The following PTGR2 variants were observed in gnomAD, a reference collection of about 807,000 sequenced individuals.
PTGR2 encodes 15-oxoprostaglandin 13-reductase.
PTGR2 carries 32 observed loss-of-function variants against 43.4 expected under a neutral mutation model. That is an observed-to-expected ratio of 0.74 (90% CI 0.56 to 0.99). The LOEUF is 0.99. PTGR2 is among the 50% of genes least tolerant of loss of function. The pLI is 0.00. For synonymous variants in PTGR2, 106 were observed against 139.2 expected (o/e 0.76, Z 1.68); for missense variants, 373 against 420.0 (o/e 0.89, Z 0.98).
At chr14:73,869,931 C>T (rs2054687402) in intron 3 of PTGR2, among the ~76,000 whole-genome samples, 1 of 151,888 alleles carries the variant, frequency 6.6e-6, no homozygotes, top group Admixed American at 6.6e-5. Context: ...GACGCTGAGG[C>T]AGGAGAATCG....
chr14:73,876,696 C>T (rs537608014), intron 4 of PTGR2, among the ~76,000 whole-genome samples: 1 of 151,978 alleles, frequency 6.6e-6, no homozygotes, highest in East Asian at 1.9e-4. Context: ...AGGCTGGTCT[C>T]GAACTCCTGG....
chr14:73,879,457 G>T, intron 6 of PTGR2, 152 bp downstream of exon 6: 1 of 626,022 alleles, frequency 1.6e-6, no homozygotes, highest in Non-Finnish European at 2.7e-6. Context: ...ATACAAAAGA[G>T]CTTGCTGATA....
chr14:73,883,504 G>C (rs2055052211), intron 9 of PTGR2, among the ~76,000 whole-genome samples: 1 of 147,758 alleles, frequency 6.8e-6, no homozygotes, highest in South Asian at 2.2e-4. Flanking sequence ...TTTAATTTTT[G>C]AGACAGGGCC....
intron 3 of PTGR2, among the ~76,000 whole-genome samples, chr14:73,867,861 A>G (rs2054637923): frequency 6.6e-6 from 1 of 152,174 alleles, no homozygotes; most frequent in Admixed American, 6.6e-5. Context: ...GCCATTTTTC[A>G]CACTGCAGCC....
intron 3 of PTGR2, among the ~76,000 whole-genome samples, chr14:73,869,967 A>T (rs1054966295): frequency 2.3e-4 from 35 of 151,962 alleles, no homozygotes; most frequent in African/African-American, 8.4e-4. Context: ...CGGAGGTTGC[A>T]TTGAGCTGAG....
Position 73,885,444 on chromosome 14 carries a change from A to G in PTGR2, c.*1267A>G, listed in dbSNP as rs1270671833. On this transcript the variant is annotated 3_prime_UTR_variant, in exon 10 of 10. Transcript: ENST00000555661. ...TACTCAACCCTCGCAGAACAGTAAA[A>G]CTGAAGATTATTGTTTCTGAATGTT... 6.6e-6 allele frequency: 1 copy of G among 152,208 alleles called. No homozygotes were observed. Among genetic ancestry groups the G allele is most frequent in the Non-Finnish European group, 1.5e-5 (1 of 68,048 alleles). 9.4% of individuals were successfully genotyped at this position (152,208 alleles called of 1,614,324 possible). A position where few individuals can be genotyped will look rare whatever the true frequency, so the allele number is the denominator to read the frequency against.
intron 6 of PTGR2, chr14:73,879,783 CA>C (rs1400937027): frequency 8.0e-6 from 3 of 373,622 alleles, no homozygotes; most frequent in Non-Finnish European, 1.5e-5. Flanking sequence ...TGTTTAAATC[CA>C]AAAAAATACA....
intron 8 of PTGR2, among the ~76,000 whole-genome samples, chr14:73,881,772 CTTTTTTTTTTTTTT>C (rs57377878): frequency 2.9e-5 from 2 of 69,242 alleles, no homozygotes; most frequent in Non-Finnish European, 4.8e-5. Flanking sequence ...CTAGGCTATT[CTTTTTTTTTTTTTT>C]TTTTTTTTTT....
chr14:73,869,428 G>A (rs2054673558), intron 3 of PTGR2, among the ~76,000 whole-genome samples: 1 of 151,524 alleles, frequency 6.6e-6, no homozygotes, highest in Non-Finnish European at 1.5e-5. Flanking sequence ...AGGCTGAGGC[G>A]GGAGGATCAC....
intron 1 of PTGR2, among the ~76,000 whole-genome samples, chr14:73,853,942 G>A (rs1477086945): frequency 1.3e-5 from 2 of 152,058 alleles, no homozygotes; most frequent in Admixed American, 6.6e-5. Context: ...GCACCAAGTA[G>A]GAATAGTATC....
At chr14:73,856,294 G>A (rs1198389457) in intron 1 of PTGR2, among the ~76,000 whole-genome samples, 3 of 151,806 alleles carry the variant, frequency 2.0e-5, no homozygotes, top group Admixed American at 6.6e-5. Context: ...CACCCAGACT[G>A]GAGTGCAGTG....
At chr14:73,875,107 G>A (rs2054827542) in intron 4 of PTGR2, among the ~76,000 whole-genome samples, 2 of 152,268 alleles carry the variant, frequency 1.3e-5, no homozygotes, top group South Asian at 2.1e-4. Context: ...TGATCTGTCT[G>A]TCTTGGTCTC....
chr14:73,867,536 G>A (rs1221455034), intron 3 of PTGR2, among the ~76,000 whole-genome samples: 1 of 151,870 alleles, frequency 6.6e-6, no homozygotes, highest in African/African-American at 2.4e-5. Flanking sequence ...GAAAAATGAT[G>A]GAACAACTAG....
chr14:73,883,782 G>T (rs567963203), intron 9 of PTGR2, among the ~76,000 whole-genome samples: 1 of 152,078 alleles, frequency 6.6e-6, no homozygotes, highest in Admixed American at 6.6e-5. Context: ...CCCCATGCCC[G>T]GCCTTCACTC....
rs192609800 is a variant in PTGR2 at position 73,874,993 on chromosome 14, G to A, written c.348+779G>A. The stretch of plus-strand genomic sequence containing the variant: ...CCCACCTCAGTCTCCCGAGTAGCTG[G>A]GATTATAGGTGTGCACCACCACGCC... On this transcript the variant is annotated intron_variant, in intron 4 of 9. Transcript: ENST00000555661. 1.7e-3 allele frequency among the ~76,000 whole-genome samples: 259 copies of A among 152,084 alleles called. 1 individual carries two copies. Among genetic ancestry groups the A allele is most frequent in the African/African-American group, 6.0e-3 (247 of 41,480 alleles).
intron 3 of PTGR2, among the ~76,000 whole-genome samples, chr14:73,868,996 A>G (rs2054666150): frequency 6.6e-6 from 1 of 152,098 alleles, no homozygotes; most frequent in Admixed American, 6.6e-5. Flanking sequence ...ATATTAAAGC[A>G]AGCCTTCATA....
rs182924641 is a variant in PTGR2 at position 73,852,827 on chromosome 14, T to A, written c.-48+884T>A. ...AGAGAGATCCAGAAAGACACGTGGT[T>A]TGTTTGTTTGTTTTTTGAGACAAAG... is the stretch of plus-strand genomic sequence containing the variant. On this transcript the variant is annotated intron_variant, in intron 1 of 9. Coordinates refer to ENST00000555661, the MANE Select transcript of PTGR2 (RefSeq NM_001146154.2). Among the ~76,000 whole-genome samples the A allele has an allele frequency of 5.3e-5, 8 of 151,558 alleles. No individual in the cohort carries two copies. The East Asian group carries it at 1.6e-3, about 30-fold the overall frequency.
At chr14:73,879,506 C>T (rs1197627429) in intron 6 of PTGR2, 2 of 513,746 alleles carry the variant, frequency 3.9e-6, no homozygotes, top group Non-Finnish European at 6.8e-6. Flanking sequence ...CTATGAACTT[C>T]AATTTCAGTT....
Position 73,881,302 on chromosome 14 carries a change from C to A in PTGR2, c.939+10C>A, listed in dbSNP as rs2054982355. ...AGAAGGAAAGCTAAAGGTAGAACTTCTATTCTTTATCAATATAATTCTTCC... is the reference window on the plus strand; with the variant it reads ...AGAAGGAAAGCTAAAGGTAGAACTTATATTCTTTATCAATATAATTCTTCC... On this transcript the variant is annotated intron_variant, in intron 8 of 9. Coordinates refer to ENST00000555661, the MANE Select transcript of PTGR2 (RefSeq NM_001146154.2). 2 of 1,502,560 alleles carry A rather than the reference C, an allele frequency of 1.3e-6. No homozygotes were observed. Among genetic ancestry groups the A allele is most frequent in the Middle Eastern group, 1.7e-4 (1 of 5,842 alleles). 93.1% of individuals were successfully genotyped at this position (1,502,560 alleles called of 1,614,324 possible).
Sources: gnomAD v4.1 joint callset for allele counts (sites outside exome capture counted in the v4.1 genomes callset) on GRCh38, gnomAD v4.1.1 for gene constraint, MANE v1.5 for transcripts, NCBI Gene and HGNC (gene_info 2026-07-23, HGNC 2026-07-21) for gene names.